The following CBL variants were observed in gnomAD, a reference collection of about 807,000 sequenced individuals.
CBL encodes Cbl proto-oncogene.
In CBL, 45 loss-of-function variants were observed where a neutral mutation model predicts 96.9. The ratio of observed to expected loss-of-function variants is 0.46; its 90% CI spans 0.37 to 0.60. The LOEUF (loss-of-function observed/expected upper bound fraction) is 0.60, where lower values mean the gene tolerates loss of function less well. Among genes scored for constraint, CBL ranks in the 20% least tolerant of loss-of-function variants. CBL has a pLI of 0.00. For synonymous variants in CBL, 420 were observed against 426.8 expected (o/e 0.98, Z 0.20); for missense variants, 1,024 against 1,143.5 (o/e 0.90, Z 1.51).
chr11:119,273,182 T>A (rs1949861569), intron 3 of CBL, among the ~76,000 whole-genome samples: 1 of 152,100 alleles, frequency 6.6e-6, no homozygotes, highest in Non-Finnish European at 1.5e-5. Context: ...GGTCTCGAAG[T>A]CCTGGCCTCA....
At position 119,270,416 on chromosome 11, in the gene CBL, T is replaced by TTATATATATATA. The variant is rs142299271; in HGVS notation, c.444-1309_444-1298dup. 1.4e-3 allele frequency among the ~76,000 whole-genome samples: 105 copies of TTATATATATATA among 74,336 alleles called. 1 individual carries two copies. Among genetic ancestry groups the TTATATATATATA allele is most frequent in the African/African-American group, 5.9e-3 (94 of 16,060 alleles). The allele number at this position is 74,336 out of a possible 152,430, so 48.8% of individuals were successfully genotyped here. On this transcript the variant is annotated intron_variant, in intron 2 of 15. Transcript: ENST00000264033. ...GCACACCACCATGGTCAGCTAATTT[T>TTATATATATATA]TATATATATATATATATATATTTTT...
intron 1 of CBL, among the ~76,000 whole-genome samples, chr11:119,208,893 G>T (rs968115902): frequency 6.6e-6 from 1 of 152,158 alleles, no homozygotes; most frequent in Non-Finnish European, 1.5e-5. Flanking sequence ...GAATAAAGAG[G>T]ACTCAAAGTT....
chr11:119,244,581 A>ATTTTTTTTTTTGTTTTT (rs1949611011), intron 2 of CBL, among the ~76,000 whole-genome samples: 1 of 104,404 alleles, frequency 9.6e-6, no homozygotes, highest in African/African-American at 4.1e-5. Flanking sequence ...TGCCCGGCTA[A>ATTTTTTTTTTTGTTTTT]TTTTTTTTTT....
chr11:119,285,476 G>T lies in CBL; in HGVS notation c.1851G>T (p.Arg617=), dbSNP rs1355757042. The change falls in exon 11 of 16, where the codon CGG becomes CGT. Residue 617 remains arginine (R), a synonymous_variant. Coordinates refer to ENST00000264033, the MANE Select transcript of CBL (RefSeq NM_005188.4). ...GGACAGGAAGAGAATTAACCAACCG[G>T]CACTCACTTCCATTTTCATTGCCCT... is the stretch of plus-strand genomic sequence containing the variant. ...DPWTGRELTN[R]HSLPFSLPSQ... 1 of 1,613,964 alleles carries T rather than the reference G, an allele frequency of 6.2e-7. No individual in the cohort carries two copies. The highest frequency in any genetic ancestry group is 8.5e-7 in the Non-Finnish European group (1 of 1,180,008).
At chr11:119,222,332 A>T (rs1182046617) in intron 1 of CBL, among the ~76,000 whole-genome samples, 1 of 152,236 alleles carries the variant, frequency 6.6e-6, no homozygotes, top group African/African-American at 2.4e-5. Flanking sequence ...ATTTTCAAGC[A>T]TAGTTTTATT....
intron 2 of CBL, among the ~76,000 whole-genome samples, chr11:119,261,819 C>T (rs544506806): frequency 2.6e-4 from 40 of 152,230 alleles, no homozygotes; most frequent in African/African-American, 9.6e-4. Context: ...CTAGTGAACA[C>T]TTGCTAAATG....
At chr11:119,246,137 G>C (rs967485957) in intron 2 of CBL, among the ~76,000 whole-genome samples, 3 of 151,524 alleles carry the variant, frequency 2.0e-5, no homozygotes, top group Non-Finnish European at 4.4e-5. Flanking sequence ...ACCATGCCCA[G>C]CTAATTTTTG....
chr11:119,216,339 A>AATTAATTT (rs1555225678), intron 1 of CBL, among the ~76,000 whole-genome samples: 3 of 144,038 alleles, frequency 2.1e-5, no homozygotes, highest in African/African-American at 5.2e-5. Flanking sequence ...GACTTATTGT[A>AATTAATTT]ATTTATTTAT....
chr11:119,256,467 C>T (rs1379012142), intron 2 of CBL, among the ~76,000 whole-genome samples: 1 of 152,182 alleles, frequency 6.6e-6, no homozygotes, highest in Non-Finnish European at 1.5e-5. Context: ...AGGTGTGAGC[C>T]ACCATGCCTG....
intron 2 of CBL, among the ~76,000 whole-genome samples, chr11:119,247,378 C>G (rs966843727): frequency 2.6e-5 from 4 of 152,072 alleles, no homozygotes; most frequent in African/African-American, 7.2e-5. Context: ...GCTGCAACTT[C>G]TAAGAAAAGA....
rs1949815262 is a variant in CBL, at chr11:119,267,827, G to T, written c.444-3908G>T. Among the ~76,000 whole-genome samples, 3 of 152,184 alleles carry T rather than the reference G, an allele frequency of 2.0e-5. No homozygotes were observed. In the South Asian group the frequency reaches 6.2e-4, roughly 31 times the overall value. On this transcript the variant is annotated intron_variant, in intron 2 of 15. Coordinates refer to ENST00000264033, the MANE Select transcript of CBL (RefSeq NM_005188.4). ...GGGATATAAATACAAGTCAGAAATA[G>T]ATTTAGCCATTGTGTACACAAATAG...
chr11:119,263,666 T>C (rs1335009540), intron 2 of CBL, among the ~76,000 whole-genome samples: 1 of 152,228 alleles, frequency 6.6e-6, no homozygotes, highest in Non-Finnish European at 1.5e-5. Flanking sequence ...TGTTTTGTTT[T>C]GTTTTGTTTT....
intron 2 of CBL, among the ~76,000 whole-genome samples, chr11:119,248,510 G>A (rs191629625): frequency 6.6e-5 from 10 of 152,230 alleles, no homozygotes; most frequent in African/African-American, 2.2e-4. Context: ...CTCTCAAAAT[G>A]TATCAAAGAC....
intron 2 of CBL, among the ~76,000 whole-genome samples, chr11:119,249,991 T>C (rs186662822): frequency 1.3e-5 from 2 of 152,320 alleles, no homozygotes; most frequent in Admixed American, 6.5e-5. Context: ...TTGTCACTCA[T>C]AGATTTAATT....
intron 9 of CBL, among the ~76,000 whole-genome samples, chr11:119,284,615 A>G (rs1350015020): frequency 1.3e-5 from 2 of 152,110 alleles, no homozygotes; most frequent in Non-Finnish European, 2.9e-5. Context: ...TTAATCTTGA[A>G]AAGATTTTTT....
intron 2 of CBL, among the ~76,000 whole-genome samples, chr11:119,270,639 G>A (rs901381733): frequency 2.0e-5 from 3 of 149,684 alleles, no homozygotes; most frequent in African/African-American, 7.4e-5. Flanking sequence ...GTAGAGACGG[G>A]GTTTCACCGT....
intron 4 of CBL, 60 bp downstream of exon 4, chr11:119,274,084 T>G: frequency 1.7e-4 from 200 of 1,177,406 alleles, no homozygotes; most frequent in Non-Finnish European, 2.3e-4. Context: ...GAGAAAGCTT[T>G]TTTTTTTTTT....
chr11:119,276,335 C>T (rs1208201350), intron 6 of CBL, among the ~76,000 whole-genome samples: 1 of 152,196 alleles, frequency 6.6e-6, no homozygotes, highest in Non-Finnish European at 1.5e-5. Context: ...AAATTATTCT[C>T]TACCACTTCA....
At position 119,278,666 on chromosome 11, in the gene CBL, C is replaced by T. The variant is rs886041425; in HGVS notation, c.1384C>T (p.Arg462Ter). The T allele has an allele frequency of 3.1e-6, 5 of 1,613,902 alleles. No homozygotes were observed. Among genetic ancestry groups the T allele is most frequent in the Non-Finnish European group, 4.2e-6 (5 of 1,179,976 alleles). The change falls in exon 9 of 16, where the codon CGA (arginine) becomes TGA (stop). Residue 462 changes from arginine to a stop codon, truncating the protein, a stop_gained. Coordinates refer to ENST00000264033, the MANE Select transcript of CBL (RefSeq NM_005188.4). LOFTEE classifies it high-confidence loss of function. ...SPNYDDDDDERADDTLFMMKE... is the reference protein window; with the variant it reads ...SPNYDDDDDE ...AAATTATGATGATGATGATGATGAA[C>T]GAGCTGATGATACTCTCTTCATGAT... is the stretch of plus-strand genomic sequence containing the variant.
Sources: gnomAD v4.1 joint callset for allele counts (sites outside exome capture counted in the v4.1 genomes callset) on GRCh38, gnomAD v4.1.1 for gene constraint, MANE v1.5 for transcripts, NCBI Gene and HGNC (gene_info 2026-07-23, HGNC 2026-07-21) for gene names.